The following PLXNB2 variants were observed in gnomAD, a reference collection of about 807,000 sequenced individuals.
The protein encoded by PLXNB2 is plexin B2, also known as plexin-B2.
In PLXNB2, 85 loss-of-function variants were observed where a neutral mutation model predicts 202.6. The ratio of observed to expected loss-of-function variants is 0.42; its 90% CI spans 0.35 to 0.50. The LOEUF (loss-of-function observed/expected upper bound fraction) is 0.50, where lower values mean the gene tolerates loss of function less well. Ranked by LOEUF, PLXNB2 falls within the 20% of genes least tolerant of loss-of-function variation. The probability of loss-of-function intolerance (pLI) is 0.02; values close to 1 mark genes in which losing one functional copy is unlikely to be tolerated. For missense variants in PLXNB2, 2,063 were observed against 2,586.2 expected, an observed-to-expected ratio of 0.80 and a Z score of 4.39; for synonymous variants, 1,239 against 1,137.6, an observed-to-expected ratio of 1.09 and a Z score of -1.79.
At chr22:50,294,174 T>C (rs1347689729) in intron 2 of PLXNB2, among the ~76,000 whole-genome samples, 1 of 152,232 alleles carries the variant, frequency 6.6e-6, no homozygotes, top group East Asian at 1.9e-4. Context: ...CACTTCCTGT[T>C]TTGAAGCCCT....
chr22:50,278,640 G>A lies in PLXNB2; in HGVS notation c.4603C>T (p.Arg1535Trp), dbSNP rs751388537. ...ILSDLDLTSQ[R>W]EGRWKRVNTL... ...TTGACGCGCTTCCACCGGCCCTCCC[G>A]CTGTGACGTCAGGTCCAGGTCCGAC... is the stretch of plus-strand genomic sequence containing the variant. Residue 1535 changes from arginine (R) to tryptophan (W), a missense_variant, in exon 29 of 37, where the codon CGG (arginine) becomes TGG (tryptophan). Arg to Trp is a moderately radical substitution (Grantham distance 101). Transcript: ENST00000359337. 19 of 1,612,848 alleles carry A rather than the reference G, an allele frequency of 1.2e-5. No homozygotes were observed. Among genetic ancestry groups the A allele is most frequent in the East Asian group, 2.2e-5 (1 of 44,884 alleles).
chr22:50,280,824 G>A lies in PLXNB2; in HGVS notation c.3913C>T (p.Pro1305Ser), dbSNP rs559938153. The A allele has an allele frequency of 6.2e-7, 1 of 1,613,312 alleles. No homozygotes were observed. Among genetic ancestry groups the A allele is most frequent in the African/African-American group, 1.3e-5 (1 of 75,040 alleles). Residue 1305 changes from proline (P) to serine (S), a missense_variant, in exon 24 of 37, where the codon CCT (proline) becomes TCT (serine). Around this residue, in one of 2 missense-constraint regions of PLXNB2, gnomAD observed 760 missense variants for 1,109.4 expected, o/e 0.69. Transcript: ENST00000359337. Reference protein sequence around the residue: ...DVMITGKLDIPEPRRPVVEQA... With the variant: ...DVMITGKLDISEPRRPVVEQA... ...TCCACCACCGGCCGCCGCGGCTCAG[G>A]GATGTCCAGCTTGCCGGTGATCATC... is the stretch of plus-strand genomic sequence containing the variant.
intron 1 of PLXNB2, among the ~76,000 whole-genome samples, chr22:50,306,108 AAAT>A (rs1391184126): frequency 6.6e-6 from 1 of 152,172 alleles, no homozygotes; most frequent in Non-Finnish European, 1.5e-5. Flanking sequence ...GGATGATCCA[AAAT>A]AATTCTTTCT....
intron 1 of PLXNB2, among the ~76,000 whole-genome samples, chr22:50,307,164 A>C (rs2067916131): frequency 6.6e-6 from 1 of 151,980 alleles, no homozygotes; most frequent in Non-Finnish European, 1.5e-5. Flanking sequence ...GCTCGGGCAA[A>C]TCCAGGCTCC....
chr22:50,287,274 G>T lies in PLXNB2; in HGVS notation c.1609-10C>A. 1 of 1,483,144 alleles carries T rather than the reference G, an allele frequency of 6.7e-7. No homozygotes were observed. The highest frequency in any genetic ancestry group is 1.4e-5 in the South Asian group (1 of 73,978). 91.9% of individuals were successfully genotyped at this position (1,483,144 alleles called of 1,614,324 possible). On this transcript the variant is annotated splice_polypyrimidine_tract_variant and intron_variant, in intron 7 of 36. Transcript: ENST00000359337. ...TGACGGTCAGCTGCACCTGAGGGAG[G>T]GGCCGTGCCGCTCACACTGGGAACC...
chr22:50,284,998 C>A lies in PLXNB2; in HGVS notation c.2089-333G>T. 2.2e-6 allele frequency: 1 copy of A among 458,290 alleles called. No individual in the cohort carries two copies. The highest frequency in any genetic ancestry group is 4.4e-6 in the Non-Finnish European group (1 of 229,436). 28.4% of individuals were successfully genotyped at this position (458,290 alleles called of 1,614,324 possible). ...TGGCACTGGCCCCTCAATCTCCACA[C>A]GCCTGCCTCCTCCACTGCCTCTCTT... is the stretch of plus-strand genomic sequence containing the variant. On this transcript the variant is annotated intron_variant, in intron 11 of 36. Transcript: ENST00000359337. The surrounding 1 kb of genome is among the most constrained non-coding windows in gnomAD (Gnocchi z 8.0).
rs1318336863 is a variant in PLXNB2 at position 50,288,020 on chromosome 22, C to T, written c.1398G>A (p.Val466=). 6 of 1,561,084 alleles carry T rather than the reference C, an allele frequency of 3.8e-6. No homozygotes were observed. In the Admixed American group the frequency reaches 7.6e-5, roughly 20 times the overall value. ...MTQDKVFRLP[V]QECLSYPTCT... is the part of the protein sequence containing the mutation. ...AGGTCGGGTAGCTCAGGCACTCCTG[C>T]ACCGGCAGCCGGAACACCTAGGGCA... The change falls in exon 6 of 37, where the codon GTG becomes GTA. Residue 466 remains valine, a synonymous_variant. Transcript: ENST00000359337. The surrounding 1 kb of genome is among the most constrained non-coding windows in gnomAD (Gnocchi z 5.0).
chr22:50,284,256 G>C lies in PLXNB2; in HGVS notation c.2182-43C>G. 1 of 1,554,796 alleles carries C rather than the reference G, an allele frequency of 6.4e-7. No individual in the cohort carries two copies. The highest frequency in any genetic ancestry group is 1.1e-5 in the South Asian group (1 of 89,922). ...GCACACTGCACTTCCTGCCCCCACA[G>C]AGGGGCGTGGGGCGGGGGTCACAAG... On this transcript the variant is annotated intron_variant, in intron 12 of 36. Coordinates refer to ENST00000359337, the MANE Select transcript of PLXNB2 (RefSeq NM_012401.4). The surrounding 1 kb of genome is among the most constrained non-coding windows in gnomAD (Gnocchi z 8.0).
intron 1 of PLXNB2, 98 bp downstream of exon 1, chr22:50,307,455 C>T: frequency 1.5e-6 from 1 of 658,622 alleles, no homozygotes; most frequent in South Asian, 6.7e-5. Context: ...GGTCCCCGGG[C>T]CCCAGCGCGG....
In PLXNB2 at chr22:50,284,740, C is replaced by A. The variant is rs372277755; in HGVS notation, c.2089-75G>T. ...CCCTCCTCCCAGAACCCCTGCAGCC[C>A]CTCCTCTGTGCCTACAGTGTGGGAG... On this transcript the variant is annotated intron_variant, in intron 11 of 36. Transcript: ENST00000359337. This position sits in a 1 kb window ranked among gnomAD's most constrained non-coding sequence, Gnocchi z 8.0. The A allele has an allele frequency of 7.3e-6, 8 of 1,097,818 alleles. No individual in the cohort carries two copies. Among genetic ancestry groups the A allele is most frequent in the Non-Finnish European group, 1.1e-5 (8 of 711,688 alleles). 68.0% of individuals were successfully genotyped at this position (1,097,818 alleles called of 1,614,324 possible).
chr22:50,283,285 C>T, intron 16 of PLXNB2, 52 bp downstream of exon 16: 1 of 1,604,720 alleles, frequency 6.2e-7, no homozygotes, highest in Non-Finnish European at 8.5e-7. Flanking sequence ...CGGGCAGAGC[C>T]CCTCCTCCCG....
At chr22:50,287,913 C>A in intron 6 of PLXNB2, 24 bp downstream of exon 6, 1 of 1,579,608 alleles carries the variant, frequency 6.3e-7, no homozygotes, top group Non-Finnish European at 8.6e-7. Flanking sequence ...CAGGCCGTGT[C>A]CCCGAGCCAC....
intron 24 of PLXNB2, 30 bp downstream of exon 24, chr22:50,280,714 G>GGGGGCCCCC: frequency 6.5e-7 from 1 of 1,528,940 alleles, no homozygotes; most frequent in Non-Finnish European, 8.9e-7. Context: ...CCACCTGTGT[G>GGGGGCCCCC]CCCTCCCGCC....
rs1213826326 is a variant in PLXNB2 at position 50,307,573 on chromosome 22, C to A, written c.-94G>T. On this transcript the variant is annotated 5_prime_UTR_variant, in exon 1 of 37. Coordinates refer to ENST00000359337, the MANE Select transcript of PLXNB2 (RefSeq NM_012401.4). ...GGTACCTGCACGTCCGCCGCCAAGG[C>A]TCGATGGCGCCCGGGCCGCGCTCGG... The A allele has an allele frequency of 1.0e-6, 1 of 982,064 alleles. No individual in the cohort carries two copies. Among genetic ancestry groups the A allele is most frequent in the East Asian group, 1.2e-4 (1 of 8,556 alleles). 60.8% of individuals were successfully genotyped at this position (982,064 alleles called of 1,614,324 possible). A position where few individuals can be genotyped will look rare whatever the true frequency, so the allele number is the denominator to read the frequency against.
intron 2 of PLXNB2, among the ~76,000 whole-genome samples, chr22:50,290,947 T>C (rs1197002953): frequency 6.6e-6 from 1 of 152,136 alleles, no homozygotes; most frequent in Non-Finnish European, 1.5e-5. Context: ...CTCACATTCA[T>C]GCCCCCTGAC....
At chr22:50,286,348 G>C in intron 8 of PLXNB2, 61 bp from the exon 9 acceptor site, 1 of 1,248,786 alleles carries the variant, frequency 8.0e-7, no homozygotes, top group Non-Finnish European at 1.2e-6. Flanking sequence ...GCCAGGCTGG[G>C]CCTCCCCTGG....
intron 1 of PLXNB2, among the ~76,000 whole-genome samples, chr22:50,296,121 G>C (rs1385256155): frequency 6.6e-6 from 1 of 151,392 alleles, no homozygotes; most frequent in African/African-American, 2.4e-5. Flanking sequence ...AAAGAAAATA[G>C]TGGTGAACTT....
chr22:50,299,611 G>A (rs958405816), intron 1 of PLXNB2, among the ~76,000 whole-genome samples: 1 of 152,174 alleles, frequency 6.6e-6, no homozygotes, highest in South Asian at 2.1e-4. Flanking sequence ...GCCGCGGGGC[G>A]TGGGGCTGGG....
At chr22:50,292,903 G>C (rs1375141733) in intron 2 of PLXNB2, among the ~76,000 whole-genome samples, 2 of 152,210 alleles carry the variant, frequency 1.3e-5, no homozygotes, top group Non-Finnish European at 2.9e-5. Flanking sequence ...GGCAGCTCCT[G>C]CCCGGCACAG....
Sources: gnomAD v4.1 joint callset for allele counts (sites outside exome capture counted in the v4.1 genomes callset) on GRCh38, gnomAD v4.1.1 for gene constraint, gnomAD v4.1.1 regional missense constraint, Gnocchi (gnomAD v3.1) non-coding constraint, MANE v1.5 for transcripts, NCBI Gene and HGNC (gene_info 2026-07-23, HGNC 2026-07-21) for gene names.